Variants in AGRN observed in about 807,000 individuals in gnomAD.
AGRN encodes agrin.
Under a neutral mutation model 211.0 loss-of-function variants are expected in AGRN, and 106 were observed. The observed-to-expected ratio is 0.50, with a 90% CI of 0.43 to 0.59. The LOEUF is 0.59. AGRN is among the 20% of genes least tolerant of loss of function. The pLI is 0.00. For synonymous variants in AGRN, 1,525 were observed against 1,332.5 expected (o/e 1.14, Z -3.15); for missense variants, 3,040 against 2,982.6 (o/e 1.02, Z -0.45).
At chr1:1,039,514 C>T (rs3121578) in intron 3 of AGRN, among the ~76,000 whole-genome samples, 121,917 of 151,902 alleles carry the variant, frequency 0.8, 51,684 homozygotes, top group East Asian at 0.97. Context: ...CCCAATTAAA[C>T]ATTTATTAAA....
chr1:1,052,708 G>A lies in AGRN; in HGVS notation c.5651+893G>A, dbSNP rs570214055. On this transcript the variant is annotated intron_variant, in intron 33 of 35. Transcript: ENST00000379370. ...TGTACACATGGGTCCATGTATGTGT[G>A]TGTATATGAGGGAGACACGCAGGTG... The A allele has an allele frequency of 3.0e-3, 475 of 157,716 alleles. 3 individuals carry two copies. The highest frequency in any genetic ancestry group is 0.011 in the African/African-American group (454 of 40,430). 9.8% of individuals were successfully genotyped at this position (157,716 alleles called of 1,614,324 possible).
chr1:1,020,151 T>C lies in AGRN; in HGVS notation c.-22T>C. ...GTCCCCGGCGCGGCCCGCGCGCTCC[T>C]CCGCCGCCTCTCGCCTGCGCCATGG... On this transcript the variant is annotated 5_prime_UTR_variant, in exon 1 of 36. Transcript: ENST00000379370. 1 of 1,205,464 alleles carries C rather than the reference T, an allele frequency of 8.3e-7. No individual in the cohort carries two copies. The highest frequency in any genetic ancestry group is 2.1e-5 in the South Asian group (1 of 47,402). 74.7% of individuals were successfully genotyped at this position (1,205,464 alleles called of 1,614,324 possible).
Position 1,050,526 on chromosome 1 carries a change from G to C in AGRN, c.5076G>C (p.Ser1692=). 6.2e-7 allele frequency: 1 copy of C among 1,612,758 alleles called. No individual in the cohort carries two copies. ...QKTDGKGDFV[S]LALRDRRLEF... Reference sequence around the variant, plus strand: ...CGGACGGCAAGGGGGACTTCGTGTCGCTGGCACTGCGGGACCGCCGCCTGG... The same window carrying C: ...CGGACGGCAAGGGGGACTTCGTGTCCCTGGCACTGCGGGACCGCCGCCTGG... The change falls in exon 29 of 36, where the codon TCG becomes TCC. Residue 1692 remains serine, a synonymous_variant. Coordinates refer to ENST00000379370, the MANE Select transcript of AGRN (RefSeq NM_198576.4).
chr1:1,051,690 A>G, intron 32 of AGRN, 38 bp from the exon 33 acceptor site: 1 of 1,613,084 alleles, frequency 6.2e-7, no homozygotes, highest in Non-Finnish European at 8.5e-7. Flanking sequence ...ATGGGCCCGG[A>G]GCCCACGAGG....
chr1:1,026,693 C>T (rs567185419), intron 2 of AGRN, among the ~76,000 whole-genome samples: 7 of 152,268 alleles, frequency 4.6e-5, no homozygotes, highest in African/African-American at 1.2e-4. Context: ...CCAGGGCCCC[C>T]GAAGCCCAGC....
rs112406574 is a variant in AGRN at position 1,053,585 on chromosome 1, G to A, written c.5652-168G>A. On this transcript the variant is annotated intron_variant, in intron 33 of 35. Coordinates refer to ENST00000379370, the MANE Select transcript of AGRN (RefSeq NM_198576.4). ...GATCTCTCTCTGCCAGGCTGCCCCT[G>A]TCTCCATCCCTCTTCTCCCTCCCAC... 2,882 of 1,512,948 alleles carry A rather than the reference G, an allele frequency of 1.9e-3. 7 individuals are homozygous for A. The highest frequency in any genetic ancestry group is 2.3e-3 in the Non-Finnish European group (2,593 of 1,125,106). 93.7% of individuals were successfully genotyped at this position (1,512,948 alleles called of 1,614,324 possible). A position where few individuals can be genotyped will look rare whatever the true frequency, so the allele number is the denominator to read the frequency against.
chr1:1,022,201 G>A lies in AGRN; in HGVS notation c.202G>A (p.Val68Ile). The part of the protein sequence containing the change: ...DPVQHTYSCK[V>I]RVWRYLKGKD... ...ACACCTACCGCCATGTCCACCCCAG[G>A]TTCGGGTCTGGCGGTACTTGAAGGG... The change falls in exon 2 of 36, where the codon GTT becomes ATT. Residue 68 changes from valine to isoleucine, a missense_variant and splice_region_variant. Physicochemically the swap from Val to Ile is conservative, Grantham distance 29 (BLOSUM62 3). Coordinates refer to ENST00000379370, the MANE Select transcript of AGRN (RefSeq NM_198576.4). 1 of 1,612,986 alleles carries A rather than the reference G, an allele frequency of 6.2e-7. No homozygotes were observed. Among genetic ancestry groups the A allele is most frequent in the Non-Finnish European group, 8.5e-7 (1 of 1,179,994 alleles).
At chr1:1,022,494 TG>T (rs1349518829) in intron 2 of AGRN, 32 bp downstream of exon 2, 2 of 1,556,362 alleles carry the variant, frequency 1.3e-6, no homozygotes, top group Non-Finnish European at 1.8e-6. Flanking sequence ...TGGGGGCCTG[TG>T]GGGGTCAGGG....
Position 1,020,125 on chromosome 1 carries a change from C to A in AGRN, c.-48C>A. The A allele has an allele frequency of 1.0e-6, 1 of 978,890 alleles. No individual in the cohort carries two copies. The highest frequency in any genetic ancestry group is 2.5e-5 in the South Asian group (1 of 40,430). 60.6% of individuals were successfully genotyped at this position (978,890 alleles called of 1,614,324 possible). On this transcript the variant is annotated 5_prime_UTR_variant, in exon 1 of 36. Transcript: ENST00000379370. Reference sequence around the variant, plus strand: ...AGCTGCGTCCCGTCCTGTCCAGTCCCGTCCCCGGCGCGGCCCGCGCGCTCC... The same window carrying A: ...AGCTGCGTCCCGTCCTGTCCAGTCCAGTCCCCGGCGCGGCCCGCGCGCTCC...
chr1:1,040,553 C>A lies in AGRN; in HGVS notation c.512-112C>A. ...CCGTGTCCGTGGTGGACCCCCGATG[C>A]GGCGCGGGGGCGGGTGAATGCGCGG... On this transcript the variant is annotated intron_variant, in intron 3 of 35. Transcript: ENST00000379370. The A allele has an allele frequency of 6.1e-6, 8 of 1,304,134 alleles. No individual in the cohort carries two copies. The South Asian group carries it at 1.1e-4, about 17-fold the overall frequency. The allele number at this position is 1,304,134 out of a possible 1,614,324, so 80.8% of individuals were successfully genotyped here. A position where few individuals can be genotyped will look rare whatever the true frequency, so the allele number is the denominator to read the frequency against.
chr1:1,053,244 G>A (rs1252240382), intron 33 of AGRN: 7 of 323,324 alleles, frequency 2.2e-5, no homozygotes, highest in South Asian at 1.2e-4. Flanking sequence ...CAAGTGTCTC[G>A]TGTCTGCACG....
rs148157593 is a variant in AGRN at position 1,035,284 on chromosome 1, C to T, written c.471C>T (p.Pro157=). 1.4e-5 allele frequency: 22 copies of T among 1,613,028 alleles called. No homozygotes were observed. The highest frequency in any genetic ancestry group is 6.7e-5 in the African/African-American group (5 of 75,010). The change falls in exon 3 of 36, where the codon CCC becomes CCT. Residue 157 remains proline, a synonymous_variant. Transcript: ENST00000379370. The stretch of plus-strand genomic sequence containing the variant: ...GGATTTGTTTTCTTCCAGATAAACC[C>T]GGGACCCACTTCACTCCAGTGCCTC... ...EEVEFCVEDK[P]GTHFTPVPPT...
chr1:1,035,420 T>C, intron 3 of AGRN, 96 bp downstream of exon 3: 4 of 1,508,520 alleles, frequency 2.7e-6, no homozygotes, highest in Non-Finnish European at 3.7e-6. Flanking sequence ...GTGGAGTGTG[T>C]CTGGAGTGAG....
Position 1,044,171 on chromosome 1 carries a change from C to A in AGRN, c.2062C>A (p.Arg688=), listed in dbSNP as rs141085875. The A allele has an allele frequency of 2.5e-6, 4 of 1,613,156 alleles. No homozygotes were observed. Among genetic ancestry groups the A allele is most frequent in the Non-Finnish European group, 3.4e-6 (4 of 1,179,924 alleles). The change falls in exon 11 of 36, where the codon CGG becomes AGG. Residue 688 remains arginine, a synonymous_variant. Coordinates refer to ENST00000379370, the MANE Select transcript of AGRN (RefSeq NM_198576.4). ...EDGDCEQELC[R]QRGGIWDEDS... is the part of the protein sequence containing the mutation. ...CGGTGACTGTGAGCAGGAGCTGTGC[C>A]GGCAGCGCGGTGGCATCTGGGACGA...
chr1:1,053,679 C>T, intron 33 of AGRN, 74 bp from the exon 34 acceptor site: 1 of 1,516,404 alleles, frequency 6.6e-7, no homozygotes, highest in South Asian at 1.2e-5. Flanking sequence ...AGCTGGGGCC[C>T]TTGTCCTCCC....
intron 2 of AGRN, chr1:1,034,632 CCT>C: frequency 1.0e-6 from 1 of 987,306 alleles, no homozygotes; most frequent in Non-Finnish European, 1.2e-6. Flanking sequence ...TTCATGGTGC[CCT>C]GCAACGCCTG....
At chr1:1,045,123 C>A in intron 12 of AGRN, 38 bp from the exon 13 acceptor site, 1 of 1,598,536 alleles carries the variant, frequency 6.3e-7, no homozygotes, top group South Asian at 1.1e-5. Context: ...GGGTGTCCAG[C>A]ACTGCATGAA....
chr1:1,051,523 C>T lies in AGRN; in HGVS notation c.5441C>T (p.Ala1814Val), dbSNP rs544353964. Residue 1814 changes from alanine to valine, a missense_variant, in exon 32 of 36, where the codon GCA (alanine) becomes GTA (valine). Physicochemically the swap from Ala to Val is moderately conservative, Grantham distance 64 (BLOSUM62 0). This residue lies in a region of AGRN where 1,537 missense variants were observed against 1,505.0 expected (regional missense o/e 1.02). Coordinates refer to ENST00000379370, the MANE Select transcript of AGRN (RefSeq NM_198576.4). ...CGGCAGGTGGACGTCACGTCCTTTG[C>T]AGGTCACCCCTGCACCCGGGCCTCA... ...VLRQVDVTSF[A>V]GHPCTRASGH... is the part of the protein sequence containing the mutation. 2.6e-5 allele frequency: 40 copies of T among 1,566,738 alleles called. No homozygotes were observed. The South Asian group carries it at 4.5e-4, about 18-fold the overall frequency.
chr1:1,045,840 G>T lies in AGRN; in HGVS notation c.2644G>T (p.Asp882Tyr), dbSNP rs768909190. The T allele has an allele frequency of 6.2e-7, 1 of 1,612,100 alleles. No individual in the cohort carries two copies. Among genetic ancestry groups the T allele is most frequent in the Non-Finnish European group, 8.5e-7 (1 of 1,179,878 alleles). The change falls in exon 15 of 36, where the codon GAC (aspartate) becomes TAC (tyrosine). Residue 882 changes from aspartate (D) to tyrosine (Y), a missense_variant. By Grantham distance (160) the Asp-to-Tyr change is radical. This residue lies in a region of AGRN where 1,498 missense variants were observed against 1,457.8 expected (regional missense o/e 1.03). Transcript: ENST00000379370. Reference sequence around the variant, plus strand: ...TGGACCCAAGTGTGGGCAGTGTCCAGACGGCCGTGCCCTGGGCCCCGCGGG... The same window carrying T: ...TGGACCCAAGTGTGGGCAGTGTCCATACGGCCGTGCCCTGGGCCCCGCGGG... ...VAGPKCGQCPDGRALGPAGCE... is the reference protein window; with the variant it reads ...VAGPKCGQCPYGRALGPAGCE...
Sources: gnomAD v4.1 joint callset for allele counts (sites outside exome capture counted in the v4.1 genomes callset) on GRCh38, gnomAD v4.1.1 for gene constraint, gnomAD v4.1.1 regional missense constraint, MANE v1.5 for transcripts, NCBI Gene and HGNC (gene_info 2026-07-23, HGNC 2026-07-21) for gene names.